The following FBXL20 variants were observed in gnomAD, a reference collection of about 807,000 sequenced individuals.
The protein encoded by FBXL20 is F-box/LRR-repeat protein 20.
In FBXL20, 11 loss-of-function variants were observed where a neutral mutation model predicts 64.0. The observed-to-expected ratio is 0.17, with a 90% CI of 0.11 to 0.28. The LOEUF is 0.28. Among genes scored for constraint, FBXL20 ranks in the 10% least tolerant of loss-of-function variants. The pLI is 1.00. For synonymous variants in FBXL20, 184 were observed against 189.0 expected (o/e 0.97, Z 0.22); for missense variants, 303 against 526.2 (o/e 0.58, Z 4.15).
intron 2 of FBXL20, among the ~76,000 whole-genome samples, chr17:39,313,130 GC>G (rs1377768656): frequency 2.0e-5 from 3 of 150,406 alleles, no homozygotes; most frequent in African/African-American, 7.4e-5. Context: ...TGTTCGTCAG[GC>G]TGGTTGCAAA....
intron 2 of FBXL20, among the ~76,000 whole-genome samples, chr17:39,339,683 G>A (rs372100118): frequency 6.6e-6 from 1 of 150,836 alleles, no homozygotes; most frequent in Non-Finnish European, 1.5e-5. Context: ...GTCTTGCTCT[G>A]TCACCAGGCT....
At chr17:39,298,926 TC>T in intron 5 of FBXL20, 63 bp downstream of exon 5, 1 of 1,339,524 alleles carries the variant, frequency 7.5e-7, no homozygotes, top group South Asian at 1.2e-5. Flanking sequence ...TTTAGCCTTT[TC>T]TGGGTGAGAT....
rs985057852 is a variant in FBXL20 at position 39,401,555 on chromosome 17, C to T, written c.-153G>A. ...ACGGGAACAAGAGACCTCTCGGCTC[C>T]GGCTAGGCCTCCACCACCTCCCGCG... On this transcript the variant is annotated 5_prime_UTR_variant, in exon 1 of 15. Coordinates refer to ENST00000264658, the MANE Select transcript of FBXL20 (RefSeq NM_032875.3). The T allele has an allele frequency of 4.2e-6, 6 of 1,414,560 alleles. No individual in the cohort carries two copies. In the Admixed American group the frequency reaches 1.2e-4, roughly 29 times the overall value. The allele number at this position is 1,414,560 out of a possible 1,614,324, so 87.6% of individuals were successfully genotyped here.
chr17:39,294,076 T>G (rs1340619967), intron 6 of FBXL20, among the ~76,000 whole-genome samples: 1 of 151,950 alleles, frequency 6.6e-6, no homozygotes, highest in Non-Finnish European at 1.5e-5. Flanking sequence ...CTAGGTTTTG[T>G]TTAGTTTTCT....
chr17:39,283,580 T>G (rs547553386), intron 7 of FBXL20, among the ~76,000 whole-genome samples: 1 of 152,212 alleles, frequency 6.6e-6, no homozygotes, highest in South Asian at 2.1e-4. Context: ...CCAGCTGCAT[T>G]TTGGATTTTT....
At chr17:39,299,441 T>G (rs1302362133) in intron 4 of FBXL20, among the ~76,000 whole-genome samples, 1 of 152,242 alleles carries the variant, frequency 6.6e-6, no homozygotes, top group East Asian at 1.9e-4. Flanking sequence ...CCAAAATGTT[T>G]ATTATAGTAC....
At chr17:39,346,465 C>T (rs1402316556) in intron 1 of FBXL20, among the ~76,000 whole-genome samples, 1 of 152,098 alleles carries the variant, frequency 6.6e-6, no homozygotes, top group Non-Finnish European at 1.5e-5. Context: ...ATCCTAAAGA[C>T]ACCGAACTCT....
rs1597789468 is a variant in FBXL20, at chr17:39,309,784, T to A, written c.105-6145A>T. On this transcript the variant is annotated intron_variant, in intron 2 of 14. Coordinates refer to ENST00000264658, the MANE Select transcript of FBXL20 (RefSeq NM_032875.3). ...TCCAGCCTAGGTGACAGAGTGAGAC[T>A]CCATCTCAAAAAAAAAAAAAAGAAA... is the stretch of plus-strand genomic sequence containing the variant. Among the ~76,000 whole-genome samples the A allele has an allele frequency of 4.0e-5, 5 of 123,594 alleles. No homozygotes were observed. In the South Asian group the frequency reaches 7.3e-4, roughly 18 times the overall value. 81.1% of individuals were successfully genotyped at this position (123,594 alleles called of 152,430 possible).
intron 1 of FBXL20, among the ~76,000 whole-genome samples, chr17:39,354,532 T>G (rs1181409251): frequency 6.6e-6 from 1 of 152,218 alleles, no homozygotes; most frequent in East Asian, 1.9e-4. Flanking sequence ...GGACCATGTC[T>G]GTTTTGTCAC....
At chr17:39,308,705 C>T (rs1482123179) in intron 2 of FBXL20, among the ~76,000 whole-genome samples, 1 of 151,786 alleles carries the variant, frequency 6.6e-6, no homozygotes, top group Non-Finnish European at 1.5e-5. Context: ...GCTGGCACTA[C>T]AGGCGCCGAA....
intron 9 of FBXL20, among the ~76,000 whole-genome samples, chr17:39,281,119 G>GT (rs903909977): frequency 2.0e-5 from 3 of 152,132 alleles, no homozygotes; most frequent in East Asian, 1.9e-4. Flanking sequence ...AAAGTAGACA[G>GT]TTTTTTTAAG....
intron 5 of FBXL20, among the ~76,000 whole-genome samples, chr17:39,298,100 A>G (rs1473689824): frequency 6.6e-6 from 1 of 152,012 alleles, no homozygotes; most frequent in Non-Finnish European, 1.5e-5. Flanking sequence ...AATTAAAAAA[A>G]TAAATGATTG....
At chr17:39,266,539 G>A (rs923059425) in intron 12 of FBXL20, among the ~76,000 whole-genome samples, 2 of 152,130 alleles carry the variant, frequency 1.3e-5, no homozygotes, top group Admixed American at 6.6e-5. Context: ...TGGAGATGGG[G>A]GTTTGCCATG....
chr17:39,267,695 T>A (rs2046804645), intron 12 of FBXL20, among the ~76,000 whole-genome samples: 1 of 152,176 alleles, frequency 6.6e-6, no homozygotes, highest in South Asian at 2.1e-4. Flanking sequence ...GCACTTCTTT[T>A]CAAATTCTTC....
intron 2 of FBXL20, among the ~76,000 whole-genome samples, chr17:39,316,496 T>C (rs1489334002): frequency 6.6e-5 from 10 of 152,106 alleles, no homozygotes; most frequent in Non-Finnish European, 1.5e-4. Flanking sequence ...CACCTTGTGA[T>C]AGAAAGCAAG....
chr17:39,320,217 G>A (rs2047342481), intron 2 of FBXL20, among the ~76,000 whole-genome samples: 1 of 151,796 alleles, frequency 6.6e-6, no homozygotes. Context: ...AAATTTGGTA[G>A]ATCAACTATC....
chr17:39,364,590 A>G (rs1376216834), intron 1 of FBXL20, among the ~76,000 whole-genome samples: 1 of 152,206 alleles, frequency 6.6e-6, no homozygotes, highest in Admixed American at 6.5e-5. Context: ...AGCCTGGGAG[A>G]CAGAACAAGA....
chr17:39,358,280 CT>C (rs1167481526), intron 1 of FBXL20, among the ~76,000 whole-genome samples: 2 of 152,202 alleles, frequency 1.3e-5, no homozygotes, highest in African/African-American at 2.4e-5. Flanking sequence ...GCGGATCTTT[CT>C]TTACTCAGTC....
intron 2 of FBXL20, among the ~76,000 whole-genome samples, chr17:39,340,178 C>T (rs1036328216): frequency 6.6e-6 from 1 of 152,038 alleles, no homozygotes; most frequent in Non-Finnish European, 1.5e-5. Flanking sequence ...CTCACTGCAA[C>T]CTCTGCCTCC....
Sources: allele counts gnomAD v4.1 joint callset (sites outside exome capture counted in the v4.1 genomes callset), GRCh38; gene constraint gnomAD v4.1.1; transcripts MANE v1.5; gene names NCBI Gene and HGNC (gene_info 2026-07-23, HGNC 2026-07-21).